The following GPC6 variants were observed in gnomAD, a reference collection of about 807,000 sequenced individuals.
The protein encoded by GPC6 is glypican 6.
In GPC6, 14 loss-of-function variants were observed where a neutral mutation model predicts 55.2. The observed-to-expected ratio is 0.25, with a 90% CI of 0.17 to 0.40. The LOEUF (loss-of-function observed/expected upper bound fraction) is 0.40. GPC6 is among the 10% of genes least tolerant of loss of function. GPC6 has a pLI of 1.00. For missense variants in GPC6, 641 were observed against 708.5 expected (o/e 0.90, Z 1.08); for synonymous variants, 278 against 259.6 (o/e 1.07, Z -0.68).
rs1246886384 is a variant in GPC6, at chr13:94,398,496, C to T, written c.1320C>T (p.Leu440=). 3.1e-6 allele frequency: 5 copies of T among 1,613,554 alleles called. No individual in the cohort carries two copies. The Admixed American group carries it at 5.0e-5, about 16-fold the overall frequency. The part of the protein sequence containing the change: ...RYLPEIMNDG[L]TNQINNPEVD... ...TGCCTGAGATCATGAATGATGGGCT[C>T]ACCAACCAGATCAACAATCCCGAGG... Residue 440 remains leucine, a synonymous_variant, in exon 8 of 9, where the codon CTC becomes CTT. Transcript: ENST00000377047.
chr13:93,578,775 A>G lies in GPC6; in HGVS notation c.319+33354A>G, dbSNP rs529091258. On this transcript the variant is annotated intron_variant, in intron 2 of 8. Transcript: ENST00000377047. ...AATGGGTTCCTTGAGGTTCATTTTT[A>G]GGTTATTTATTTGAAATCTTTCTAC... Among the ~76,000 whole-genome samples, 2 of 149,452 alleles carry G rather than the reference A, an allele frequency of 1.3e-5. 1 individual carries two copies. The highest frequency in any genetic ancestry group is 1.3e-4 in the Admixed American group (2 of 14,948).
intron 2 of GPC6, among the ~76,000 whole-genome samples, chr13:93,721,885 A>G (rs1883467675): frequency 6.6e-6 from 1 of 151,774 alleles, no homozygotes; most frequent in African/African-American, 2.4e-5. Context: ...CACATAGTCA[A>G]AACACCGATG....
rs146688473 is a variant in GPC6 at position 93,815,873 on chromosome 13, A to T, written c.320-14281A>T. On this transcript the variant is annotated intron_variant, in intron 2 of 8. Transcript: ENST00000377047. ...TCCTGTTGATAGATTTAAAGACTAA[A>T]ATGATTTCTAAGACATGGCTTGGGG... Among the ~76,000 whole-genome samples the T allele has an allele frequency of 3.2e-4, 48 of 152,276 alleles. No individual in the cohort carries two copies. The East Asian group carries it at 9.3e-3, about 29-fold the overall frequency.
intron 2 of GPC6, among the ~76,000 whole-genome samples, chr13:93,783,584 A>G (rs867312151): frequency 1.3e-5 from 2 of 151,922 alleles, no homozygotes; most frequent in Admixed American, 6.6e-5. Flanking sequence ...CTGTCTATCT[A>G]TCTATCTATC....
chr13:94,177,395 C>A (rs1028926202), intron 4 of GPC6, among the ~76,000 whole-genome samples: 2 of 151,414 alleles, frequency 1.3e-5, no homozygotes, highest in African/African-American at 4.9e-5. Flanking sequence ...CTTTTAAAAG[C>A]ATGATACGTT....
intron 1 of GPC6, among the ~76,000 whole-genome samples, chr13:93,312,036 T>A (rs1457886966): frequency 6.6e-6 from 1 of 152,154 alleles, no homozygotes; most frequent in Admixed American, 6.5e-5. Flanking sequence ...AAACAACTCA[T>A]TAGGAAAGTT....
At chr13:94,066,228 T>A (rs1354495884) in intron 4 of GPC6, among the ~76,000 whole-genome samples, 2 of 152,164 alleles carry the variant, frequency 1.3e-5, no homozygotes, top group Non-Finnish European at 2.9e-5. Context: ...TTATGTTTTT[T>A]AAAATTGGAT....
At chr13:94,015,767 C>T (rs937085150) in intron 3 of GPC6, among the ~76,000 whole-genome samples, 5 of 152,142 alleles carry the variant, frequency 3.3e-5, no homozygotes, top group Admixed American at 2.6e-4. Flanking sequence ...TCCTTTCCTC[C>T]TTGAATGGTC....
At chr13:93,547,518 AGGT>A (rs1874880011) in intron 2 of GPC6, among the ~76,000 whole-genome samples, 2 of 152,178 alleles carry the variant, frequency 1.3e-5, no homozygotes, top group Non-Finnish European at 2.9e-5. Context: ...CCCTCCCTAT[AGGT>A]ATATAGGTAT....
chr13:93,256,547 C>T (rs1158744469), intron 1 of GPC6, among the ~76,000 whole-genome samples: 1 of 152,014 alleles, frequency 6.6e-6, no homozygotes, highest in East Asian at 1.9e-4. Flanking sequence ...CTGGCATAGC[C>T]CTCAGTGCCT....
intron 1 of GPC6, among the ~76,000 whole-genome samples, chr13:93,409,928 A>G (rs879280059): frequency 3.9e-5 from 6 of 152,208 alleles, no homozygotes; most frequent in Non-Finnish European, 7.3e-5. Context: ...GACCTAGCCT[A>G]TACCTAGTTT....
chr13:93,459,471 T>C (rs577369112), intron 1 of GPC6, among the ~76,000 whole-genome samples: 5 of 152,340 alleles, frequency 3.3e-5, no homozygotes, highest in Admixed American at 2.6e-4. Flanking sequence ...TCAGTTGTCA[T>C]TGAAATAATT....
chr13:93,524,124 T>G (rs539785318), intron 1 of GPC6, among the ~76,000 whole-genome samples: 1 of 152,098 alleles, frequency 6.6e-6, no homozygotes, highest in South Asian at 2.1e-4. Flanking sequence ...CTGACTTTCT[T>G]CAACTAGTAA....
chr13:93,501,681 T>G (rs959314404), intron 1 of GPC6, among the ~76,000 whole-genome samples: 3 of 152,140 alleles, frequency 2.0e-5, no homozygotes, highest in Non-Finnish European at 2.9e-5. Flanking sequence ...ATCTTCACAT[T>G]TCATGTGAGA....
intron 1 of GPC6, among the ~76,000 whole-genome samples, chr13:93,463,313 T>C (rs72640552): frequency 0.033 from 4,996 of 152,324 alleles, 114 homozygotes; most frequent in Non-Finnish European, 0.049. Context: ...TCTAAAGATC[T>C]GTGTTTCATG....
intron 2 of GPC6, among the ~76,000 whole-genome samples, chr13:93,666,993 T>C (rs1881164349): frequency 6.6e-6 from 1 of 152,174 alleles, no homozygotes; most frequent in Non-Finnish European, 1.5e-5. Flanking sequence ...GTATTCAAAA[T>C]AACTTTTTTT....
intron 3 of GPC6, among the ~76,000 whole-genome samples, chr13:93,970,929 C>T (rs2140393869): frequency 6.6e-6 from 1 of 152,270 alleles, no homozygotes; most frequent in African/African-American, 2.4e-5. Context: ...ATTATCTTTC[C>T]TACAAGGACT....
chr13:93,502,627 C>G (rs1468096515), intron 1 of GPC6, among the ~76,000 whole-genome samples: 1 of 152,078 alleles, frequency 6.6e-6, no homozygotes, highest in Non-Finnish European at 1.5e-5. Flanking sequence ...AAGAATATTT[C>G]TTCAACATTT....
At chr13:93,987,836 A>G (rs1881102394) in intron 3 of GPC6, among the ~76,000 whole-genome samples, 2 of 152,180 alleles carry the variant, frequency 1.3e-5, no homozygotes, top group South Asian at 2.1e-4. Flanking sequence ...GGTTCCTTGG[A>G]AAATCTGCAA....
Sources: allele counts gnomAD v4.1 joint callset (sites outside exome capture counted in the v4.1 genomes callset), GRCh38; gene constraint gnomAD v4.1.1; transcripts MANE v1.5; gene names NCBI Gene and HGNC (gene_info 2026-07-23, HGNC 2026-07-21).